The following TMEM182 variants were observed in gnomAD, a reference collection of about 807,000 sequenced individuals.
The protein encoded by TMEM182 is transmembrane protein 182.
Under a neutral mutation model 26.8 loss-of-function variants are expected in TMEM182, and 20 were observed. The observed-to-expected ratio is 0.75, with a 90% CI of 0.53 to 1.09. The LOEUF (loss-of-function observed/expected upper bound fraction) is 1.09, where lower values mean the gene tolerates loss of function less well. Among genes scored for constraint, TMEM182 ranks in the 50% least tolerant of loss-of-function variants. The pLI is 0.00. For missense variants in TMEM182, 277 were observed against 275.5 expected, an observed-to-expected ratio of 1.01 and a Z score of -0.04; for synonymous variants, 109 against 102.2, an observed-to-expected ratio of 1.07 and a Z score of -0.40.
At chr2:102,765,308 T>G (rs575530892) in intron 3 of TMEM182, among the ~76,000 whole-genome samples, 2 of 152,016 alleles carry the variant, frequency 1.3e-5, no homozygotes, top group Non-Finnish European at 2.9e-5. Context: ...GTCTGAAGGC[T>G]GGACACTCCA....
At chr2:102,747,649 TA>T (rs200583692) in intron 1 of TMEM182, among the ~76,000 whole-genome samples, 2,340 of 151,328 alleles carry the variant, frequency 0.015, 70 homozygotes, top group African/African-American at 0.054. Flanking sequence ...TATGGGAAAA[TA>T]AAAAAAACAA....
At chr2:102,754,330 G>A (rs970993694) in intron 1 of TMEM182, among the ~76,000 whole-genome samples, 10 of 152,236 alleles carry the variant, frequency 6.6e-5, no homozygotes, top group Admixed American at 5.2e-4. Flanking sequence ...AAACACATTC[G>A]TATTTATGCC....
chr2:102,834,860 A>G (rs1021123371), intron 3 of TMEM182, among the ~76,000 whole-genome samples: 4 of 152,208 alleles, frequency 2.6e-5, no homozygotes, highest in African/African-American at 9.6e-5. Flanking sequence ...TTACCTTAGG[A>G]ATAAAATATT....
intron 4 of TMEM182, among the ~76,000 whole-genome samples, chr2:102,804,527 G>A (rs1682275232): frequency 6.6e-6 from 1 of 152,092 alleles, no homozygotes; most frequent in Non-Finnish European, 1.5e-5. Context: ...TTGTATATAT[G>A]TACCACAGTT....
At chr2:102,800,292 C>G (rs1349280933) in intron 4 of TMEM182, among the ~76,000 whole-genome samples, 1 of 152,176 alleles carries the variant, frequency 6.6e-6, no homozygotes, top group Non-Finnish European at 1.5e-5. Flanking sequence ...TTCTACTCTC[C>G]TTCTCTCCTG....
At chr2:102,748,051 C>G (rs1196406170) in intron 1 of TMEM182, among the ~76,000 whole-genome samples, 1 of 152,218 alleles carries the variant, frequency 6.6e-6, no homozygotes, top group Non-Finnish European at 1.5e-5. Context: ...GCCCATGCCC[C>G]TTCCATTTCG....
chr2:102,834,514 T>A (rs1683207273), intron 3 of TMEM182: 1 of 845,410 alleles, frequency 1.2e-6, no homozygotes, highest in Non-Finnish European at 1.4e-6. Flanking sequence ...TTTCAACAGA[T>A]ATAGGTGAGC....
At chr2:102,834,246 T>C (rs1683200568) in intron 3 of TMEM182, among the ~76,000 whole-genome samples, 1 of 152,210 alleles carries the variant, frequency 6.6e-6, no homozygotes, top group Admixed American at 6.5e-5. Flanking sequence ...ACTCTAAGGC[T>C]GAAGGATTAT....
chr2:102,840,316 A>G (rs1683324990), intron 3 of TMEM182, among the ~76,000 whole-genome samples: 1 of 152,198 alleles, frequency 6.6e-6, no homozygotes, highest in Admixed American at 6.5e-5. Flanking sequence ...CGAAATCGCC[A>G]TATATTGTGG....
downstream of TMEM182, among the ~76,000 whole-genome samples, chr2:102,818,571 C>A (rs555774620): frequency 2.0e-5 from 3 of 152,054 alleles, no homozygotes; most frequent in African/African-American, 7.2e-5. Context: ...AAGTCTGGAA[C>A]GACAATGGAG....
intron 3 of TMEM182, among the ~76,000 whole-genome samples, chr2:102,833,274 G>A (rs980759938): frequency 6.6e-6 from 1 of 151,984 alleles, no homozygotes; most frequent in Non-Finnish European, 1.5e-5. Flanking sequence ...ACTTTTTGCA[G>A]GAATAACAAC....
At chr2:102,831,428 C>T (rs910106172) in intron 3 of TMEM182, among the ~76,000 whole-genome samples, 22 of 152,198 alleles carry the variant, frequency 1.4e-4, no homozygotes, top group Non-Finnish European at 2.8e-4. Flanking sequence ...CCTGCATACA[C>T]GACCGATGTG....
upstream of TMEM182, chr2:102,761,969 A>T (rs898587642): frequency 3.2e-5 from 12 of 375,516 alleles, no homozygotes; most frequent in East Asian, 7.4e-4. Flanking sequence ...CACTATCTTA[A>T]AATAGCCAGC....
At chr2:102,776,397 G>A (rs747255445) in intron 3 of TMEM182, among the ~76,000 whole-genome samples, 7 of 152,150 alleles carry the variant, frequency 4.6e-5, no homozygotes, top group Non-Finnish European at 7.4e-5. Context: ...TCAGAATGTC[G>A]TATAGTTAAA....
downstream of TMEM182, among the ~76,000 whole-genome samples, chr2:102,820,235 G>T (rs1682892105): frequency 6.6e-6 from 1 of 152,140 alleles, no homozygotes; most frequent in African/African-American, 2.4e-5. Flanking sequence ...TTTTAAACTT[G>T]CAATTTGCCA....
At chr2:102,795,063 C>G (rs1211665445) in intron 3 of TMEM182, among the ~76,000 whole-genome samples, 1 of 152,074 alleles carries the variant, frequency 6.6e-6, no homozygotes, top group Non-Finnish European at 1.5e-5. Context: ...TCTGTCCTCT[C>G]TCATCCCTGT....
At chr2:102,818,629 C>A (rs922601951), downstream of TMEM182, among the ~76,000 whole-genome samples, 1 of 152,032 alleles carries the variant, frequency 6.6e-6, no homozygotes, top group African/African-American at 2.4e-5. Context: ...TCCCTCCTGC[C>A]CATAGGATTC....
At chr2:102,807,323 T>C (rs1000243776) in intron 4 of TMEM182, among the ~76,000 whole-genome samples, 17 of 152,216 alleles carry the variant, frequency 1.1e-4, no homozygotes, top group Non-Finnish European at 2.4e-4. Flanking sequence ...GCAGAAAGAA[T>C]TAAGGCTGTG....
intron 1 of TMEM182, among the ~76,000 whole-genome samples, chr2:102,740,282 G>C (rs970701487): frequency 5.9e-5 from 9 of 152,144 alleles, no homozygotes; most frequent in African/African-American, 2.2e-4. Flanking sequence ...CATGTGTTGT[G>C]GGAGGGACCA....
Sources: allele counts gnomAD v4.1 joint callset (sites outside exome capture counted in the v4.1 genomes callset), GRCh38; gene constraint gnomAD v4.1.1; transcripts MANE v1.5; gene names NCBI Gene and HGNC (gene_info 2026-07-23, HGNC 2026-07-21).